The following INTS9 variants were observed in gnomAD, a reference collection of about 807,000 sequenced individuals.
The protein encoded by INTS9 is protein related to CPSF subunits of 74 kDa.
INTS9 carries 55 observed loss-of-function variants against 79.7 expected under a neutral mutation model. The ratio of observed to expected loss-of-function variants is 0.69; its 90% CI spans 0.56 to 0.86. The LOEUF is 0.86. INTS9 is among the 40% of genes least tolerant of loss of function. The pLI, the probability that INTS9 is intolerant of heterozygous loss-of-function variation, is 0.00. For synonymous variants in INTS9, 319 were observed against 325.2 expected, an observed-to-expected ratio of 0.98 and a Z score of 0.20; for missense variants, 721 against 831.5, an observed-to-expected ratio of 0.87 and a Z score of 1.64.
At chr8:28,870,413 T>C (rs1364660935) in intron 1 of INTS9, among the ~76,000 whole-genome samples, 1 of 150,578 alleles carries the variant, frequency 6.6e-6, no homozygotes, top group Non-Finnish European at 1.5e-5. Context: ...GGCAACAAAG[T>C]TTTTAAGGAC....
At chr8:28,821,981 G>T (rs779656366) in intron 6 of INTS9, among the ~76,000 whole-genome samples, 1 of 152,016 alleles carries the variant, frequency 6.6e-6, no homozygotes, top group South Asian at 2.1e-4. Context: ...TGCCCATGCC[G>T]GTCTCAAACT....
intron 14 of INTS9, among the ~76,000 whole-genome samples, chr8:28,773,987 T>A (rs779693787): frequency 6.6e-6 from 1 of 151,994 alleles, no homozygotes. Flanking sequence ...GCCCAGCTAA[T>A]TTTTTTTAGT....
chr8:28,783,064 G>A (rs1803387515), intron 11 of INTS9, among the ~76,000 whole-genome samples: 1 of 147,366 alleles, frequency 6.8e-6, no homozygotes, highest in Admixed American at 6.9e-5. Flanking sequence ...AGAATGGCAT[G>A]AACCCAGGAG....
chr8:28,806,799 A>C (rs1804841689), intron 8 of INTS9, among the ~76,000 whole-genome samples: 1 of 152,230 alleles, frequency 6.6e-6, no homozygotes, highest in African/African-American at 2.4e-5. Flanking sequence ...CATGAACATT[A>C]TAGAGAAAAT....
chr8:28,882,532 TAAAAAAAAAAA>T (rs369293166), intron 1 of INTS9, among the ~76,000 whole-genome samples: 1 of 63,300 alleles, frequency 1.6e-5, no homozygotes, highest in African/African-American at 6.9e-5. Flanking sequence ...TATTAACAGC[TAAAAAAAAAAA>T]AAAAGAAAAA....
At chr8:28,772,049 C>T (rs375311005) in intron 14 of INTS9, among the ~76,000 whole-genome samples, 2 of 152,120 alleles carry the variant, frequency 1.3e-5, no homozygotes, top group East Asian at 1.9e-4. Context: ...TTTGTAGATA[C>T]GGGGGTCTTG....
rs142850910 is a variant in INTS9, at chr8:28,864,818, A to T, written c.10-5255T>A. ...TCCTAACATTTTGGGAGGCTGAGGC[A>T]CGTGGATCACTTGAGTGATTAGCCC... On this transcript the variant is annotated intron_variant, in intron 1 of 16. Coordinates refer to ENST00000521022, the MANE Select transcript of INTS9 (RefSeq NM_018250.4). Among the ~76,000 whole-genome samples the T allele has an allele frequency of 4.0e-3, 603 of 152,198 alleles. 3 individuals carry two copies. The highest frequency in any genetic ancestry group is 0.014 in the African/African-American group (571 of 41,526).
intron 1 of INTS9, among the ~76,000 whole-genome samples, chr8:28,883,553 G>A (rs1585540159): frequency 6.6e-6 from 1 of 152,198 alleles, no homozygotes; most frequent in African/African-American, 2.4e-5. Flanking sequence ...GGCCTTATCT[G>A]TTAAAATTTT....
chr8:28,787,681 TAA>T (rs72293390), intron 11 of INTS9, 146 bp downstream of exon 11: 2 of 482,990 alleles, frequency 4.1e-6, no homozygotes, highest in East Asian at 3.1e-5. Flanking sequence ...AAGCTTGAGT[TAA>T]AATACTTCCC....
intron 1 of INTS9, among the ~76,000 whole-genome samples, chr8:28,876,659 T>G (rs1585522675): frequency 6.6e-6 from 1 of 152,060 alleles, no homozygotes; most frequent in Middle Eastern, 3.4e-3. Flanking sequence ...TATAAGCCAC[T>G]GCAATTACAT....
chr8:28,817,189 T>C (rs1045567559), intron 6 of INTS9, among the ~76,000 whole-genome samples: 1 of 151,634 alleles, frequency 6.6e-6, no homozygotes, highest in African/African-American at 2.4e-5. Flanking sequence ...TTGGCTTTTA[T>C]TGCCATTGCT....
At chr8:28,786,225 T>A (rs1299607017) in intron 11 of INTS9, among the ~76,000 whole-genome samples, 1 of 152,176 alleles carries the variant, frequency 6.6e-6, no homozygotes, top group East Asian at 1.9e-4. Flanking sequence ...TACCACAAAA[T>A]CCATGCTATT....
chr8:28,768,825 G>A (rs1326048052), intron 16 of INTS9, among the ~76,000 whole-genome samples: 1 of 152,236 alleles, frequency 6.6e-6, no homozygotes, highest in African/African-American at 2.4e-5. Flanking sequence ...TGGAAAGGAG[G>A]CATGTGCCTG....
intron 8 of INTS9, among the ~76,000 whole-genome samples, chr8:28,807,085 C>A (rs925315093): frequency 1.3e-5 from 2 of 151,966 alleles, no homozygotes; most frequent in African/African-American, 4.8e-5. Context: ...CAAGTCTGAT[C>A]AAGATGATGA....
intron 1 of INTS9, among the ~76,000 whole-genome samples, chr8:28,883,478 T>A (rs1199945995): frequency 6.6e-6 from 1 of 152,144 alleles, no homozygotes; most frequent in Non-Finnish European, 1.5e-5. Context: ...ACAGCATCAT[T>A]GGCAAGGGTG....
intron 8 of INTS9, among the ~76,000 whole-genome samples, chr8:28,808,262 C>T (rs1198634813): frequency 6.7e-6 from 1 of 150,340 alleles, no homozygotes; most frequent in Non-Finnish European, 1.5e-5. Context: ...AGTGCGATCT[C>T]GGCTCACTGC....
intron 8 of INTS9, among the ~76,000 whole-genome samples, chr8:28,805,484 G>A (rs1039715239): frequency 6.6e-6 from 1 of 152,208 alleles, no homozygotes; most frequent in Non-Finnish European, 1.5e-5. Flanking sequence ...ATGAGATCCT[G>A]TTTATGGAAA....
intron 7 of INTS9, 21 bp from the exon 8 acceptor site, chr8:28,812,482 G>GA: frequency 6.2e-7 from 1 of 1,610,418 alleles, no homozygotes; most frequent in Non-Finnish European, 8.5e-7. Context: ...ACCACAGTAA[G>GA]AATGTGCAAT....
At chr8:28,799,081 G>T (rs544281657) in intron 8 of INTS9, among the ~76,000 whole-genome samples, 1 of 152,292 alleles carries the variant, frequency 6.6e-6, no homozygotes, top group Admixed American at 6.5e-5. Context: ...TGGATCACGA[G>T]GTCAGGCGTT....
Sources: allele counts gnomAD v4.1 joint callset (sites outside exome capture counted in the v4.1 genomes callset), GRCh38; gene constraint gnomAD v4.1.1; transcripts MANE v1.5; gene names NCBI Gene and HGNC (gene_info 2026-07-23, HGNC 2026-07-21).